PDE3A: variants seen among roughly 807,000 people sequenced by gnomAD.
PDE3A encodes cGMP-inhibited 3',5'-cyclic phosphodiesterase 3A.
In PDE3A, 43 loss-of-function variants were observed where a neutral mutation model predicts 98.3. The observed-to-expected ratio is 0.44, with a 90% CI of 0.34 to 0.56. The LOEUF is 0.56. PDE3A is among the 20% of genes least tolerant of loss of function. PDE3A has a pLI of 0.01. For synonymous variants in PDE3A, 663 were observed against 567.9 expected (o/e 1.17, Z -2.38); for missense variants, 1,427 against 1,440.7 (o/e 0.99, Z 0.15).
chr12:20,516,518 A>T (rs745939521), intron 1 of PDE3A, among the ~76,000 whole-genome samples: 3 of 152,228 alleles, frequency 2.0e-5, no homozygotes, highest in Non-Finnish European at 4.4e-5. Flanking sequence ...ATACATTTAC[A>T]CATGTAAAAA....
At chr12:20,529,993 T>C (rs1478228516) in intron 1 of PDE3A, among the ~76,000 whole-genome samples, 1 of 152,200 alleles carries the variant, frequency 6.6e-6, no homozygotes, top group African/African-American at 2.4e-5. Flanking sequence ...CACAAATTGT[T>C]ATGAGGACTA....
intron 1 of PDE3A, among the ~76,000 whole-genome samples, chr12:20,422,075 A>G (rs60506272): frequency 0.04 from 6,114 of 152,270 alleles, 140 homozygotes; most frequent in African/African-American, 0.058. Context: ...GGCCGGGCGC[A>G]ATGGCTCACG....
intron 2 of PDE3A, among the ~76,000 whole-genome samples, chr12:20,578,760 C>T (rs893641445): frequency 6.6e-6 from 1 of 152,108 alleles, no homozygotes; most frequent in African/African-American, 2.4e-5. Flanking sequence ...TCTCCCTGGT[C>T]TCCCTGATCT....
chr12:20,471,237 G>C (rs1255013434), intron 1 of PDE3A, among the ~76,000 whole-genome samples: 4 of 152,052 alleles, frequency 2.6e-5, no homozygotes, highest in Non-Finnish European at 5.9e-5. Flanking sequence ...GTACTCTTAG[G>C]GTAGAGCGCA....
Position 20,595,907 on chromosome 12 carries a change from A to T in PDE3A, c.1012-17536A>T, listed in dbSNP as rs141197265. On this transcript the variant is annotated intron_variant, in intron 2 of 15. Coordinates refer to ENST00000359062, the MANE Select transcript of PDE3A (RefSeq NM_000921.5). ...TTAAGATGAAATGAAATTAAAATTG[A>T]CTGAAATGATGGTTAAAGACAAATT... Among the ~76,000 whole-genome samples, 546 of 152,302 alleles carry T rather than the reference A, an allele frequency of 3.6e-3. 3 individuals are homozygous for T. The highest frequency in any genetic ancestry group is 0.012 in the African/African-American group (512 of 41,580).
At chr12:20,450,076 C>T in intron 1 of PDE3A, 2 of 565,780 alleles carry the variant, frequency 3.5e-6, no homozygotes, top group East Asian at 3.5e-5. Flanking sequence ...CTTCATCAGC[C>T]TTCTGCTGGT....
intron 10 of PDE3A, among the ~76,000 whole-genome samples, chr12:20,641,120 C>T (rs61482644): frequency 0.029 from 4,460 of 152,124 alleles, 239 homozygotes; most frequent in African/African-American, 0.1. Flanking sequence ...AAAATCCCAT[C>T]CACCTGCTAC....
chr12:20,445,891 A>T (rs1591940424), intron 1 of PDE3A, among the ~76,000 whole-genome samples: 3 of 151,972 alleles, frequency 2.0e-5, no homozygotes, highest in African/African-American at 4.8e-5. Context: ...CAAAGCTTTT[A>T]AAAAAAATCA....
chr12:20,534,328 T>G (rs1190329889), intron 1 of PDE3A, among the ~76,000 whole-genome samples: 2 of 152,178 alleles, frequency 1.3e-5, no homozygotes, highest in Admixed American at 1.3e-4. Context: ...GATTTGCTTG[T>G]CAGAGCATGA....
Position 20,518,839 on chromosome 12 carries a change from A to G in PDE3A, c.961-37821A>G, listed in dbSNP as rs537273737. 5.3e-5 allele frequency among the ~76,000 whole-genome samples: 8 copies of G among 152,238 alleles called. No homozygotes were observed. In the South Asian group the frequency reaches 1.4e-3, roughly 28 times the overall value. On this transcript the variant is annotated intron_variant, in intron 1 of 15. Coordinates refer to ENST00000359062, the MANE Select transcript of PDE3A (RefSeq NM_000921.5). ...TAGATAGGACTTTCTGTACTGATGG[A>G]TTTTTTTATAGCTATGTTGTTGAAT...
chr12:20,593,689 G>A (rs1943396811), intron 2 of PDE3A, among the ~76,000 whole-genome samples: 1 of 152,114 alleles, frequency 6.6e-6, no homozygotes, highest in South Asian at 2.1e-4. Flanking sequence ...TTTGGTTTTA[G>A]CCAAGTAGGA....
rs57427303 is a variant in PDE3A, at chr12:20,542,436, TACACACACACACACACAC to T, written c.961-14204_961-14187del. 1.1e-3 allele frequency among the ~76,000 whole-genome samples: 172 copies of T among 149,940 alleles called. 1 individual carries two copies. In the East Asian group the frequency reaches 0.015, roughly 13 times the overall value. Reference sequence around the variant, plus strand: ...ATAGTTTTTGGTATACGTAACAGCATACACACACACACACACACACACACACACACACACACATACACT... The same window carrying T: ...ATAGTTTTTGGTATACGTAACAGCATACACACACACACACACACATACACT... On this transcript the variant is annotated intron_variant, in intron 1 of 15. Transcript: ENST00000359062.
chr12:20,661,974 C>A (rs1565467300), intron 15 of PDE3A, among the ~76,000 whole-genome samples: 1 of 152,122 alleles, frequency 6.6e-6, no homozygotes, highest in Non-Finnish European at 1.5e-5. Flanking sequence ...CTGGAAAAGC[C>A]ACAGACACTC....
intron 15 of PDE3A, among the ~76,000 whole-genome samples, chr12:20,672,125 G>A (rs1945498745): frequency 6.6e-6 from 1 of 150,406 alleles, no homozygotes; most frequent in Non-Finnish European, 1.5e-5. Flanking sequence ...AAATACCTAG[G>A]AATCCAACTT....
At chr12:20,389,676 T>C (rs1943878842) in intron 1 of PDE3A, among the ~76,000 whole-genome samples, 1 of 151,982 alleles carries the variant, frequency 6.6e-6, no homozygotes, top group African/African-American at 2.4e-5. Flanking sequence ...TGAGTAAAGA[T>C]ACTACAGTAA....
chr12:20,389,174 G>T (rs534473504), intron 1 of PDE3A, among the ~76,000 whole-genome samples: 1 of 151,978 alleles, frequency 6.6e-6, no homozygotes, highest in Non-Finnish European at 1.5e-5. Context: ...TTATGCTTGC[G>T]ATGGTTAAGG....
chr12:20,411,338 A>G (rs1429519775), intron 1 of PDE3A, among the ~76,000 whole-genome samples: 11 of 152,134 alleles, frequency 7.2e-5, no homozygotes, highest in Admixed American at 5.2e-4. Flanking sequence ...CCACCATTCC[A>G]CTTTCTGTCC....
chr12:20,680,287 G>A lies in PDE3A; in HGVS notation c.*16G>A, dbSNP rs761764809. 12 of 1,612,622 alleles carry A rather than the reference G, an allele frequency of 7.4e-6. No homozygotes were observed. Among genetic ancestry groups the A allele is most frequent in the African/African-American group, 1.3e-5 (1 of 74,834 alleles). On this transcript the variant is annotated 3_prime_UTR_variant, in exon 16 of 16. Transcript: ENST00000359062. ...AGACCAGTGACAATGGATAGAATGGGCTGTGTTTCCAAACAGATTGACTTG... is the reference window on the plus strand; with the variant it reads ...AGACCAGTGACAATGGATAGAATGGACTGTGTTTCCAAACAGATTGACTTG...
intron 1 of PDE3A, among the ~76,000 whole-genome samples, chr12:20,430,960 C>A (rs768442385): frequency 6.6e-6 from 1 of 152,118 alleles, no homozygotes; most frequent in Admixed American, 6.5e-5. Context: ...AGGCAAGTCA[C>A]CCTTTCTGGG....
Sources: allele counts gnomAD v4.1 joint callset (sites outside exome capture counted in the v4.1 genomes callset), GRCh38; gene constraint gnomAD v4.1.1; transcripts MANE v1.5; gene names NCBI Gene and HGNC (gene_info 2026-07-23, HGNC 2026-07-21).